Variants in MUC13 observed in about 807,000 individuals in gnomAD.
MUC13 encodes mucin-13.
MUC13 carries 32 observed loss-of-function variants against 48.3 expected under a neutral mutation model. The ratio of observed to expected loss-of-function variants is 0.66; its 90% confidence interval spans 0.50 to 0.89. The LOEUF (loss-of-function observed/expected upper bound fraction) is 0.89, where lower values mean the gene tolerates loss of function less well. MUC13 is among the 40% of genes least tolerant of loss of function. The pLI is 0.00. For missense variants in MUC13, 571 were observed against 622.8 expected (o/e 0.92, Z 0.88); for synonymous variants, 199 against 224.9 (o/e 0.88, Z 1.03).
At chr3:124,929,992 G>A (rs1935766698) in intron 1 of MUC13, among the ~76,000 whole-genome samples, 1 of 152,220 alleles carries the variant, frequency 6.6e-6, no homozygotes, top group African/African-American at 2.4e-5. Context: ...AGTGAGAGTG[G>A]CCAGGGGCTG....
At chr3:124,918,854 G>A (rs1361818393) in intron 5 of MUC13, among the ~76,000 whole-genome samples, 1 of 152,156 alleles carries the variant, frequency 6.6e-6, no homozygotes, top group Admixed American at 6.5e-5. Context: ...CAGCTTCAGA[G>A]CCACTGTGTT....
At chr3:124,923,384 C>A in intron 3 of MUC13, 143 bp downstream of exon 3, 1 of 816,264 alleles carries the variant, frequency 1.2e-6, no homozygotes, top group Non-Finnish European at 1.9e-6. Flanking sequence ...CAGCACTTTT[C>A]TCTACTTTGC....
chr3:124,922,275 C>T lies in MUC13; in HGVS notation c.666G>A (p.Val222=), dbSNP rs777302896. The T allele has an allele frequency of 2.5e-6, 4 of 1,614,052 alleles. No individual in the cohort carries two copies. In the Admixed American group the frequency reaches 5.0e-5, roughly 20 times the overall value. ...KGKVFPGKIS[V]TVSETFDPEE... ...CTGGGTCAAATGTTTCTGATACTGTCACTGAAATCTTCCCAGGGAATACCT... is the reference window on the plus strand; with the variant it reads ...CTGGGTCAAATGTTTCTGATACTGTTACTGAAATCTTCCCAGGGAATACCT... Residue 222 remains valine (V), a synonymous_variant, in exon 4 of 12, where the codon GTG becomes GTA. Coordinates refer to ENST00000616727, the MANE Select transcript of MUC13 (RefSeq NM_033049.4).
Position 124,922,236 on chromosome 3 carries a change from G to GGAATGTTTCTCTTCTGGGTC in MUC13, c.685_704dup (p.Met236ThrfsTer34), listed in dbSNP as rs1935609656. 6.2e-7 allele frequency: 1 copy of GGAATGTTTCTCTTCTGGGTC among 1,614,126 alleles called. No individual in the cohort carries two copies. Among genetic ancestry groups the GGAATGTTTCTCTTCTGGGTC allele is most frequent in the Non-Finnish European group, 8.5e-7 (1 of 1,180,012 alleles). ...CACTATGCAAGTCTTGATAGGCCAT[G>GGAATGTTTCTCTTCTGGGTC]GAATGTTTCTCTTCTGGGTCAAATG... On this transcript the variant is annotated frameshift_variant, in exon 4 of 12. Transcript: ENST00000616727. LOFTEE classifies it high-confidence loss of function.
At chr3:124,914,241 C>T (rs1935472877) in intron 6 of MUC13, among the ~76,000 whole-genome samples, 1 of 151,888 alleles carries the variant, frequency 6.6e-6, no homozygotes, top group South Asian at 2.1e-4. Context: ...GAAACCCCAT[C>T]TCTGCTAAAA....
Position 124,919,595 on chromosome 3 carries a change from C to T in MUC13, c.800+639G>A, listed in dbSNP as rs547378014. Among the ~76,000 whole-genome samples, 28 of 152,254 alleles carry T rather than the reference C, an allele frequency of 1.8e-4. 1 individual carries two copies. The highest frequency in any genetic ancestry group is 1.5e-3 in the Admixed American group (23 of 15,288). ...GGCTGCTTTTCCTACCTAACTTCATCTGTCTTAGAGCATTCTTTCCTCAGC... is the reference window on the plus strand; with the variant it reads ...GGCTGCTTTTCCTACCTAACTTCATTTGTCTTAGAGCATTCTTTCCTCAGC... On this transcript the variant is annotated intron_variant, in intron 5 of 11. Coordinates refer to ENST00000616727, the MANE Select transcript of MUC13 (RefSeq NM_033049.4).
At chr3:124,921,154 C>CT (rs35318002) in intron 4 of MUC13, among the ~76,000 whole-genome samples, 79,882 of 149,864 alleles carry the variant, frequency 0.53, 21,225 homozygotes, top group East Asian at 0.71. Flanking sequence ...TCTCTACTTC[C>CT]TTTTTTTTTT....
intron 5 of MUC13, among the ~76,000 whole-genome samples, chr3:124,918,555 A>C (rs1219011707): frequency 6.6e-6 from 1 of 152,188 alleles, no homozygotes; most frequent in African/African-American, 2.4e-5. Context: ...AATCTTCCAA[A>C]TTTTATCTCA....
intron 11 of MUC13, among the ~76,000 whole-genome samples, chr3:124,907,657 TAG>T (rs71800171): frequency 0.7 from 101,101 of 143,470 alleles, 35,249 homozygotes; most frequent in African/African-American, 0.73. Flanking sequence ...TATATATATA[TAG>T]AGAGAGAGAG....
intron 1 of MUC13, among the ~76,000 whole-genome samples, chr3:124,933,028 A>G (rs994549695): frequency 6.6e-6 from 1 of 152,048 alleles, no homozygotes; most frequent in Non-Finnish European, 1.5e-5. Flanking sequence ...TACAAGCCTC[A>G]CCAATTCTTC....
chr3:124,908,919 C>T (rs1372774265), intron 10 of MUC13, among the ~76,000 whole-genome samples: 6 of 152,148 alleles, frequency 3.9e-5, no homozygotes, highest in African/African-American at 1.2e-4. Context: ...TCTGGGAGGC[C>T]GTGGTGGGCA....
At chr3:124,916,897 C>T (rs746370186) in intron 5 of MUC13, among the ~76,000 whole-genome samples, 33 of 152,006 alleles carry the variant, frequency 2.2e-4, no homozygotes, top group Non-Finnish European at 3.5e-4. Flanking sequence ...GACAGAGGGG[C>T]GCGTGTCCCT....
At chr3:124,914,467 A>G (rs1000403347) in intron 6 of MUC13, among the ~76,000 whole-genome samples, 2 of 152,124 alleles carry the variant, frequency 1.3e-5, no homozygotes, top group Non-Finnish European at 2.9e-5. Flanking sequence ...GAATAGGAGT[A>G]GGTAGAGTCA....
chr3:124,913,274 GA>G, intron 7 of MUC13, 34 bp from the exon 8 acceptor site: 3 of 1,592,182 alleles, frequency 1.9e-6, no homozygotes, highest in Non-Finnish European at 2.6e-6. Flanking sequence ...GTAATTTTCA[GA>G]AACAATCTCT....
intron 6 of MUC13, among the ~76,000 whole-genome samples, chr3:124,915,685 AG>A (rs71625776): frequency 3.3e-5 from 5 of 152,180 alleles, no homozygotes; most frequent in Non-Finnish European, 7.3e-5. Flanking sequence ...GTGTGTCTAA[AG>A]GGGAAAATAG....
At position 124,910,353 on chromosome 3, in the gene MUC13, G is replaced by A. The variant is rs910893798; in HGVS notation, c.1337+62C>T. ...GTTCGAGACCAACATGGGCAACATA[G>A]TGAGACCCCCCCATCTCTCTATAAA... On this transcript the variant is annotated intron_variant, in intron 10 of 11. Transcript: ENST00000616727. 2.5e-6 allele frequency: 4 copies of A among 1,579,026 alleles called. No individual in the cohort carries two copies. In the Admixed American group the frequency reaches 5.5e-5, roughly 22 times the overall value.
At chr3:124,933,753 C>T (rs1334595466) in intron 1 of MUC13, among the ~76,000 whole-genome samples, 2 of 152,152 alleles carry the variant, frequency 1.3e-5, no homozygotes, top group Non-Finnish European at 2.9e-5. Context: ...TGGGTACACA[C>T]ATTAAATACA....
intron 1 of MUC13, among the ~76,000 whole-genome samples, chr3:124,931,449 C>A (rs1421895843): frequency 6.7e-6 from 1 of 149,442 alleles, no homozygotes; most frequent in Non-Finnish European, 1.5e-5. Flanking sequence ...AAAAAAGCAA[C>A]TTTTTAAAAA....
chr3:124,922,784 T>C (rs1559999779), intron 3 of MUC13, among the ~76,000 whole-genome samples: 2 of 152,208 alleles, frequency 1.3e-5, no homozygotes, highest in Non-Finnish European at 2.9e-5. Flanking sequence ...AACCATCATT[T>C]TTAAAGGTTG....
Sources: gnomAD v4.1 joint callset for allele counts (sites outside exome capture counted in the v4.1 genomes callset) on GRCh38, gnomAD v4.1.1 for gene constraint, MANE v1.5 for transcripts, NCBI Gene and HGNC (gene_info 2026-07-23, HGNC 2026-07-21) for gene names.